RNF216: variants seen among roughly 807,000 people sequenced by gnomAD.
RNF216 encodes ring finger protein 216.
Under a neutral mutation model 110.8 loss-of-function variants are expected in RNF216, and 72 were observed. That is an observed-to-expected ratio of 0.65 (90% CI 0.54 to 0.79). The LOEUF is 0.79. Among genes scored for constraint, RNF216 ranks in the 30% least tolerant of loss-of-function variants. The pLI is 0.00. For missense variants in RNF216, 1,342 were observed against 1,141.2 expected, an observed-to-expected ratio of 1.18 and a Z score of -2.54; for synonymous variants, 495 against 407.5, an observed-to-expected ratio of 1.21 and a Z score of -2.59.
intron 13 of RNF216, among the ~76,000 whole-genome samples, chr7:5,668,361 C>A (rs1485957781): frequency 3.3e-5 from 5 of 151,908 alleles, no homozygotes; most frequent in Non-Finnish European, 2.9e-5. Context: ...GTAGTTGGGA[C>A]TATAGGCACC....
chr7:5,754,110 CT>C, intron 2 of RNF216, among the ~76,000 whole-genome samples: 1 of 142,132 alleles, frequency 7.0e-6, no homozygotes, highest in African/African-American at 2.6e-5. Flanking sequence ...TAATGTTTTT[CT>C]TTTGTGTGGT....
At chr7:5,651,384 C>A (rs545984133) in intron 14 of RNF216, among the ~76,000 whole-genome samples, 2 of 152,048 alleles carry the variant, frequency 1.3e-5, no homozygotes, top group East Asian at 3.9e-4. Context: ...GTGCCCACCA[C>A]TCCTGGATAA....
chr7:5,777,939 T>C (rs1417833119), intron 1 of RNF216, among the ~76,000 whole-genome samples: 2 of 152,014 alleles, frequency 1.3e-5, no homozygotes, highest in Non-Finnish European at 2.9e-5. Flanking sequence ...GATAAGTAAG[T>C]ACATCCTCAT....
chr7:5,658,638 CAGAG>C (rs1013420900), intron 13 of RNF216, among the ~76,000 whole-genome samples: 2 of 123,362 alleles, frequency 1.6e-5, no homozygotes, highest in South Asian at 2.5e-4. Flanking sequence ...GTCTGGGTGA[CAGAG>C]AGAGACTGTC....
intron 14 of RNF216, among the ~76,000 whole-genome samples, chr7:5,648,862 T>C (rs1305378193): frequency 6.6e-6 from 1 of 152,140 alleles, no homozygotes; most frequent in Non-Finnish European, 1.5e-5. Flanking sequence ...CTCATTTGGA[T>C]CCTAACCTGA....
At chr7:5,753,122 A>G in intron 2 of RNF216, 143 bp from the exon 3 acceptor site, 1 of 715,912 alleles carries the variant, frequency 1.4e-6, no homozygotes, top group African/African-American at 1.8e-5. Context: ...CCGTGCACTT[A>G]AGCATTAAGA....
intron 11 of RNF216, among the ~76,000 whole-genome samples, chr7:5,714,088 C>T (rs142840210): frequency 1.4e-4 from 21 of 152,044 alleles, no homozygotes; most frequent in Admixed American, 2.0e-4. Flanking sequence ...CTAAGCCTCC[C>T]GAGTAGCTGG....
In RNF216 at chr7:5,725,580, G is replaced by A. The variant is rs182695036; in HGVS notation, c.1390-142C>T. 2.3e-4 allele frequency: 145 copies of A among 621,868 alleles called. No homozygotes were observed. The African/African-American group carries it at 2.4e-3, about 10-fold the overall frequency. 38.5% of individuals were successfully genotyped at this position (621,868 alleles called of 1,614,324 possible). A position where few individuals can be genotyped will look rare whatever the true frequency, so the allele number is the denominator to read the frequency against. On this transcript the variant is annotated intron_variant, in intron 7 of 16. Transcript: ENST00000389902. The stretch of plus-strand genomic sequence containing the variant: ...CAATTGGTAGTGGCAGCTGGGTGCG[G>A]TGGCTGACGCCTGTAATCCCAACAC...
In RNF216 at chr7:5,750,773, T is replaced by C. The variant is rs144665135; in HGVS notation, c.201+2073A>G. Reference sequence around the variant, plus strand: ...ACTCTCCTTAATCTTTCCTTACTTATGCCTCTCACGTGGCAGGACAACGTT... The same window carrying C: ...ACTCTCCTTAATCTTTCCTTACTTACGCCTCTCACGTGGCAGGACAACGTT... On this transcript the variant is annotated intron_variant, in intron 3 of 16. Coordinates refer to ENST00000389902, the MANE Select transcript of RNF216 (RefSeq NM_207111.4). 1.2e-3 allele frequency among the ~76,000 whole-genome samples: 185 copies of C among 152,378 alleles called. 3 individuals are homozygous for C. The highest frequency in any genetic ancestry group is 8.8e-4 in the Non-Finnish European group (60 of 68,048).
At chr7:5,757,584 GCAA>G in intron 2 of RNF216, among the ~76,000 whole-genome samples, 1 of 152,200 alleles carries the variant, frequency 6.6e-6, no homozygotes, top group South Asian at 2.1e-4. Flanking sequence ...ACTGATATAT[GCAA>G]CAACAGGGAT....
At chr7:5,698,388 C>CACACACACAT (rs1791757962) in intron 13 of RNF216, among the ~76,000 whole-genome samples, 1 of 149,314 alleles carries the variant, frequency 6.7e-6, no homozygotes, top group Non-Finnish European at 1.5e-5. Context: ...CTTTTATACA[C>CACACACACAT]ACACACACAC....
intron 2 of RNF216, among the ~76,000 whole-genome samples, chr7:5,755,149 GAAGGAAGGAGA>G (rs1256529195): frequency 7.8e-6 from 1 of 128,496 alleles, no homozygotes; most frequent in Non-Finnish European, 1.8e-5. Context: ...AGGAAGGAAA[GAAGGAAGGAGA>G]AAGGAAGGAA....
At chr7:5,638,503 T>C (rs943078303) in intron 15 of RNF216, among the ~76,000 whole-genome samples, 1 of 152,166 alleles carries the variant, frequency 6.6e-6, no homozygotes, top group African/African-American at 2.4e-5. Flanking sequence ...CCAATTACAG[T>C]GTAGCAGATG....
At position 5,649,341 on chromosome 7, in the gene RNF216, G is replaced by A. The variant is rs184534977; in HGVS notation, c.2159+3072C>T. Among the ~76,000 whole-genome samples, 42 of 149,532 alleles carry A rather than the reference G, an allele frequency of 2.8e-4. No homozygotes were observed. In the East Asian group the frequency reaches 8.0e-3, roughly 28 times the overall value. The stretch of plus-strand genomic sequence containing the variant: ...TGGGAGGCGGAGGTCGCAATGACCC[G>A]AGGCACTCTAACCTAGGTGACAGAC... On this transcript the variant is annotated intron_variant, in intron 14 of 16. Transcript: ENST00000389902.
At chr7:5,726,975 G>A (rs1408944870) in intron 7 of RNF216, among the ~76,000 whole-genome samples, 1 of 152,166 alleles carries the variant, frequency 6.6e-6, no homozygotes, top group African/African-American at 2.4e-5. Context: ...GCCTGCAAGA[G>A]AAGAAGGAAG....
chr7:5,638,432 C>T (rs1389451762), intron 15 of RNF216, among the ~76,000 whole-genome samples: 1 of 152,174 alleles, frequency 6.6e-6, no homozygotes, highest in African/African-American at 2.4e-5. Flanking sequence ...TTAAGAGGAA[C>T]TCCCAGATCA....
In RNF216 at chr7:5,697,463, G is replaced by A. The variant is rs138604303; in HGVS notation, c.2061+14298C>T. Among the ~76,000 whole-genome samples, 569 of 152,368 alleles carry A rather than the reference G, an allele frequency of 3.7e-3. 3 individuals are homozygous for A. Among genetic ancestry groups the A allele is most frequent in the African/African-American group, 0.013 (551 of 41,594 alleles). ...GCAGCTGGTAATGATCGTGTTTAGA[G>A]GAGAAGATGAAGTGTCAGGCAAGGT... On this transcript the variant is annotated intron_variant, in intron 13 of 16. Transcript: ENST00000389902.
intron 11 of RNF216, 55 bp from the exon 12 acceptor site, chr7:5,712,918 TAAA>T: frequency 1.3e-6 from 2 of 1,519,466 alleles, no homozygotes. Context: ...TATAGAAAAA[TAAA>T]AAGCGTCAGT....
Position 5,680,639 on chromosome 7 carries a change from T to G in RNF216, c.2062-28129A>C, listed in dbSNP as rs1015027760. Among the ~76,000 whole-genome samples, 7 of 152,082 alleles carry G rather than the reference T, an allele frequency of 4.6e-5. No individual in the cohort carries two copies. The highest frequency in any genetic ancestry group is 1.4e-4 in the African/African-American group (6 of 41,410). On this transcript the variant is annotated intron_variant, in intron 13 of 16. Coordinates refer to ENST00000389902, the MANE Select transcript of RNF216 (RefSeq NM_207111.4). This position sits in a 1 kb window ranked among gnomAD's most constrained non-coding sequence, Gnocchi z 4.3. ...GGATGGTCTCGATCTCCTGACCTTG[T>G]GATCTGCCCGACTCGGCCTCCCAAA... is the stretch of plus-strand genomic sequence containing the variant.
Sources: gnomAD v4.1 joint callset for allele counts (sites outside exome capture counted in the v4.1 genomes callset) on GRCh38, gnomAD v4.1.1 for gene constraint, Gnocchi (gnomAD v3.1) non-coding constraint, MANE v1.5 for transcripts, NCBI Gene and HGNC (gene_info 2026-07-23, HGNC 2026-07-21) for gene names.